Variants in KCNB2 observed in about 807,000 individuals in gnomAD.
KCNB2 encodes the protein potassium voltage-gated channel subfamily B member 2, also known as delayed rectifier potassium channel protein.
A neutral mutation model predicts 61.5 loss-of-function variants in KCNB2; 15 were observed. The observed-to-expected ratio is 0.24, with a 90% confidence interval of 0.16 to 0.38. The LOEUF is 0.38. Among genes scored for constraint, KCNB2 ranks in the 10% least tolerant of loss-of-function variants. The pLI, the probability that KCNB2 is intolerant of heterozygous loss-of-function variation, is 1.00. For missense variants in KCNB2, 828 were observed against 1,125.2 expected (o/e 0.74, Z 3.78); for synonymous variants, 457 against 446.0 (o/e 1.02, Z -0.31).
chr8:72,863,343 A>C (rs369093821), intron 2 of KCNB2, among the ~76,000 whole-genome samples: 1 of 152,196 alleles, frequency 6.6e-6, no homozygotes, highest in Non-Finnish European at 1.5e-5. Flanking sequence ...AAAATAAGCC[A>C]ACACAGCTTG....
intron 2 of KCNB2, among the ~76,000 whole-genome samples, chr8:72,696,700 T>A (rs1251284124): frequency 6.6e-6 from 1 of 152,178 alleles, no homozygotes; most frequent in African/African-American, 2.4e-5. Flanking sequence ...TCTGCTGTAT[T>A]ATCTAAGAGC....
intron 2 of KCNB2, among the ~76,000 whole-genome samples, chr8:72,624,667 T>TG (rs1805762199): frequency 6.6e-6 from 1 of 152,248 alleles, no homozygotes; most frequent in Non-Finnish European, 1.5e-5. Flanking sequence ...CACATCATAT[T>TG]GAGCATTGCA....
At chr8:72,906,125 C>A (rs1183757189) in intron 2 of KCNB2, among the ~76,000 whole-genome samples, 1 of 152,176 alleles carries the variant, frequency 6.6e-6, no homozygotes, top group Non-Finnish European at 1.5e-5. Context: ...TGCTTTTGCA[C>A]ATAAGTAAAA....
intron 2 of KCNB2, among the ~76,000 whole-genome samples, chr8:72,641,220 A>G (rs533566257): frequency 2.0e-5 from 3 of 152,226 alleles, no homozygotes; most frequent in African/African-American, 7.2e-5. Flanking sequence ...TTTGGTGTTA[A>G]TGGTTCCACT....
intron 2 of KCNB2, among the ~76,000 whole-genome samples, chr8:72,581,017 C>T (rs1203317214): frequency 1.3e-5 from 2 of 152,170 alleles, no homozygotes; most frequent in East Asian, 3.8e-4. Context: ...ATATGCCTTA[C>T]CACTTCTCAA....
intron 2 of KCNB2, among the ~76,000 whole-genome samples, chr8:72,668,222 C>T (rs1200131609): frequency 6.6e-6 from 1 of 152,148 alleles, no homozygotes. Flanking sequence ...CTGCCCTGAG[C>T]CTTGATGTCC....
chr8:72,659,759 T>C (rs1806349334), intron 2 of KCNB2, among the ~76,000 whole-genome samples: 3 of 152,236 alleles, frequency 2.0e-5, no homozygotes, highest in Admixed American at 2.0e-4. Context: ...CAAAAACTCA[T>C]TGAAGGCTCA....
At chr8:72,910,681 CT>C (rs1484848399) in intron 2 of KCNB2, among the ~76,000 whole-genome samples, 3 of 152,110 alleles carry the variant, frequency 2.0e-5, no homozygotes, top group African/African-American at 7.2e-5. Context: ...TCAGTGACCC[CT>C]GAGACAAGCG....
chr8:72,548,988 A>G (rs930750623), intron 1 of KCNB2, among the ~76,000 whole-genome samples: 1 of 152,104 alleles, frequency 6.6e-6, no homozygotes, highest in East Asian at 1.9e-4. Flanking sequence ...AGCCTTTTTC[A>G]TTGTTATTTC....
chr8:72,789,102 G>A (rs902085401), intron 2 of KCNB2, among the ~76,000 whole-genome samples: 2 of 152,130 alleles, frequency 1.3e-5, no homozygotes, highest in Non-Finnish European at 2.9e-5. Flanking sequence ...TAATTGTGAC[G>A]AGCCAGAAAC....
At chr8:72,783,954 C>G (rs1274995650) in intron 2 of KCNB2, among the ~76,000 whole-genome samples, 1 of 152,040 alleles carries the variant, frequency 6.6e-6, no homozygotes, top group African/African-American at 2.4e-5. Context: ...AAAACCAGTC[C>G]AGCTGCCTTG....
chr8:72,789,287 G>T (rs1808896030), intron 2 of KCNB2, among the ~76,000 whole-genome samples: 1 of 152,190 alleles, frequency 6.6e-6, no homozygotes, highest in South Asian at 2.1e-4. Flanking sequence ...TATGGGATTA[G>T]AGAGACTAGG....
intron 2 of KCNB2, among the ~76,000 whole-genome samples, chr8:72,775,410 C>T (rs751152982): frequency 1.5e-4 from 23 of 152,158 alleles, no homozygotes; most frequent in Non-Finnish European, 2.8e-4. Context: ...GTTAGAACAT[C>T]GCAGAATGAG....
intron 2 of KCNB2, among the ~76,000 whole-genome samples, chr8:72,769,429 C>T (rs1808523569): frequency 6.6e-6 from 1 of 152,052 alleles, no homozygotes; most frequent in South Asian, 2.1e-4. Flanking sequence ...AAAAAAATTG[C>T]ACTATAGCAA....
At chr8:72,600,804 A>T (rs1585777130) in intron 2 of KCNB2, among the ~76,000 whole-genome samples, 1 of 152,064 alleles carries the variant, frequency 6.6e-6, no homozygotes, top group Admixed American at 6.5e-5. Flanking sequence ...ACATGGATGC[A>T]TAGAGGGGAA....
chr8:72,619,757 A>G (rs1018445070), intron 2 of KCNB2, among the ~76,000 whole-genome samples: 4 of 152,208 alleles, frequency 2.6e-5, no homozygotes, highest in Non-Finnish European at 2.9e-5. Context: ...TTCACAGTGT[A>G]CAGACATGGT....
intron 2 of KCNB2, among the ~76,000 whole-genome samples, chr8:72,837,471 A>G (rs1809800834): frequency 6.6e-6 from 1 of 152,234 alleles, no homozygotes; most frequent in South Asian, 2.1e-4. Context: ...AATCAGATAG[A>G]CAGGCACCAT....
intron 2 of KCNB2, among the ~76,000 whole-genome samples, chr8:72,735,335 C>T (rs1317280117): frequency 6.6e-6 from 1 of 152,032 alleles, no homozygotes; most frequent in Non-Finnish European, 1.5e-5. Flanking sequence ...CACATCATTT[C>T]CCAGAAAGAC....
At chr8:72,739,131 AT>A (rs2128994332) in intron 2 of KCNB2, among the ~76,000 whole-genome samples, 1 of 152,126 alleles carries the variant, frequency 6.6e-6, no homozygotes, top group East Asian at 1.9e-4. Flanking sequence ...ATATCACCCC[AT>A]AATCACTCTG....
Sources: allele counts gnomAD v4.1 joint callset (sites outside exome capture counted in the v4.1 genomes callset), GRCh38; gene constraint gnomAD v4.1.1; transcripts MANE v1.5; gene names NCBI Gene and HGNC (gene_info 2026-07-23, HGNC 2026-07-21).